Variants in C12orf42 observed in about 807,000 individuals in gnomAD.
The protein encoded by C12orf42 is chromosome 12 open reading frame 42.
A neutral mutation model predicts 21.6 loss-of-function variants in C12orf42; 25 were observed. The observed-to-expected ratio is 1.16, with a 90% CI of 0.84 to 1.62. The LOEUF is 1.62. Among genes scored for constraint, C12orf42 ranks in the 40% most tolerant of loss-of-function variants. C12orf42 has a pLI of 0.00. For missense variants in C12orf42, 483 were observed against 459.3 expected, an observed-to-expected ratio of 1.05 and a Z score of -0.47; for synonymous variants, 174 against 175.0, an observed-to-expected ratio of 0.99 and a Z score of 0.05.
At chr12:103,116,316 A>T in the C12orf42 span, among the ~76,000 whole-genome samples, 772 of 151,142 alleles carry the variant, frequency 5.1e-3, 5 homozygotes, top group South Asian at 0.017. Flanking sequence ...GTGAGCTGAG[A>T]TCACGCCATT....
At chr12:103,239,402 A>C (rs1476540500) in intron 10 of C12orf42, among the ~76,000 whole-genome samples, 1 of 151,672 alleles carries the variant, frequency 6.6e-6, no homozygotes, top group Non-Finnish European at 1.5e-5. Flanking sequence ...TCTCTGCACC[A>C]CTCTCAGGAT....
chr12:103,523,145 C>T, the C12orf42 span, among the ~76,000 whole-genome samples: 3 of 152,198 alleles, frequency 2.0e-5, no homozygotes, highest in Admixed American at 6.5e-5. Flanking sequence ...TTTAAAGATG[C>T]TCATCTATAG....
chr12:103,058,667 G>T, the C12orf42 span, among the ~76,000 whole-genome samples: 4 of 152,130 alleles, frequency 2.6e-5, no homozygotes, highest in Admixed American at 2.0e-4. Flanking sequence ...AGAACTCAGG[G>T]TCAAGAAACT....
the C12orf42 span, among the ~76,000 whole-genome samples, chr12:103,129,714 G>A: frequency 6.6e-6 from 1 of 152,152 alleles, no homozygotes; most frequent in Non-Finnish European, 1.5e-5. Flanking sequence ...TAACATTGGA[G>A]GGCATTCTAG....
the C12orf42 span, among the ~76,000 whole-genome samples, chr12:103,206,171 A>C: frequency 2.0e-5 from 3 of 152,254 alleles, no homozygotes; most frequent in African/African-American, 7.2e-5. Flanking sequence ...ACTCAACGCC[A>C]AAGGGCTAGC....
chr12:103,434,017 CT>C (rs1165042494), intron 2 of C12orf42, among the ~76,000 whole-genome samples: 1 of 152,180 alleles, frequency 6.6e-6, no homozygotes, highest in Non-Finnish European at 1.5e-5. Flanking sequence ...CCTGAATGCT[CT>C]ACCAAACATG....
At chr12:103,520,205 G>A in the C12orf42 span, among the ~76,000 whole-genome samples, 1 of 152,064 alleles carries the variant, frequency 6.6e-6, no homozygotes, top group East Asian at 1.9e-4. Flanking sequence ...CAACTCCTGG[G>A]CACATGTAGT....
At chr12:103,542,927 TACA>T in the C12orf42 span, among the ~76,000 whole-genome samples, 1 of 152,198 alleles carries the variant, frequency 6.6e-6, no homozygotes, top group Admixed American at 6.5e-5. Context: ...CTGAAAGAAT[TACA>T]ACATCTACGA....
chr12:103,112,324 CT>C, the C12orf42 span, among the ~76,000 whole-genome samples: 1 of 152,070 alleles, frequency 6.6e-6, no homozygotes, highest in Non-Finnish European at 1.5e-5. Context: ...CAAATTTTAC[CT>C]CATTCATTTT....
intron 4 of C12orf42, among the ~76,000 whole-genome samples, chr12:103,367,166 C>T (rs968921438): frequency 2.0e-5 from 3 of 151,920 alleles, no homozygotes; most frequent in Non-Finnish European, 4.4e-5. Context: ...GGAATGGAGA[C>T]TATTATTCTA....
chr12:103,424,060 T>A (rs964640420), intron 2 of C12orf42, among the ~76,000 whole-genome samples: 8 of 152,272 alleles, frequency 5.3e-5, no homozygotes, highest in Non-Finnish European at 7.3e-5. Context: ...GGCAAATGAA[T>A]GAATGGAGGA....
chr12:103,268,308 A>T (rs761474281), downstream of C12orf42: 6 of 152,202 alleles, frequency 3.9e-5, no homozygotes, highest in Admixed American at 3.9e-4. Context: ...TCTCAGCCAC[A>T]TCTGTATATT....
At chr12:103,123,112 CA>C in the C12orf42 span, among the ~76,000 whole-genome samples, 1 of 152,110 alleles carries the variant, frequency 6.6e-6, no homozygotes, top group Non-Finnish European at 1.5e-5. Flanking sequence ...TGATCCAAGT[CA>C]GGGGAGATTA....
chr12:103,284,992 GCAA>G, intron 4 of C12orf42, among the ~76,000 whole-genome samples: 1 of 152,224 alleles, frequency 6.6e-6, no homozygotes, highest in Non-Finnish European at 1.5e-5. Context: ...TGTTCCCTAA[GCAA>G]ATGATTCCCT....
chr12:103,456,005 T>C (rs1267900485), intron 2 of C12orf42, among the ~76,000 whole-genome samples: 2 of 152,036 alleles, frequency 1.3e-5, no homozygotes, highest in African/African-American at 4.8e-5. Flanking sequence ...TACTCATACA[T>C]AGGCAGCAGG....
the C12orf42 span, among the ~76,000 whole-genome samples, chr12:103,549,880 T>C: frequency 6.6e-6 from 1 of 152,214 alleles, no homozygotes; most frequent in Non-Finnish European, 1.5e-5. Context: ...TTTTGCCTGT[T>C]CCTTTCTTTG....
the C12orf42 span, among the ~76,000 whole-genome samples, chr12:103,143,707 A>C: frequency 2.0e-3 from 310 of 152,332 alleles, 1 homozygote; most frequent in Admixed American, 3.9e-3. Context: ...CTAATAGGAG[A>C]ACAAGACTTT....
the C12orf42 span, among the ~76,000 whole-genome samples, chr12:103,226,291 A>G: frequency 6.6e-6 from 1 of 152,190 alleles, no homozygotes. Context: ...GTACACCTTG[A>G]AGGTGAGGTT....
chr12:103,318,176 C>T (rs1779350526), intron 4 of C12orf42, among the ~76,000 whole-genome samples: 1 of 152,052 alleles, frequency 6.6e-6, no homozygotes, highest in Admixed American at 6.5e-5. Flanking sequence ...GTAGTCTTAG[C>T]TACTCCAGAG....
Sources: gnomAD v4.1 joint callset for allele counts (sites outside exome capture counted in the v4.1 genomes callset) on GRCh38, gnomAD v4.1.1 for gene constraint, MANE v1.5 for transcripts, NCBI Gene and HGNC (gene_info 2026-07-23, HGNC 2026-07-21) for gene names.